OR4K17: variants seen among roughly 807,000 people sequenced by gnomAD.
OR4K17 encodes olfactory receptor family 4 subfamily K member 17, also known as olfactory receptor 4K17.
For synonymous variants in OR4K17, 157 were observed against 132.8 expected (o/e 1.18, Z -1.25); for missense variants, 480 against 366.3 (o/e 1.31, Z -2.53).
At chr14:20,112,940 G>A (rs779438512) in intron 1 of OR4K17, among the ~76,000 whole-genome samples, 2 of 152,088 alleles carry the variant, frequency 1.3e-5, no homozygotes, top group Non-Finnish European at 2.9e-5. Flanking sequence ...AATGCTGTAG[G>A]CATCCAAGTG....
At position 20,117,646 on chromosome 14, in the gene OR4K17, G is replaced by T. The variant is rs199718783; in HGVS notation, c.147G>T (p.Val49=). 54 of 1,613,896 alleles carry T rather than the reference G, an allele frequency of 3.3e-5. No homozygotes were observed. Among genetic ancestry groups the T allele is most frequent in the Non-Finnish European group, 4.6e-5 (54 of 1,179,920 alleles). The change falls in exon 2 of 2, where the codon GTG becomes GTT. Residue 49 remains valine (V), a synonymous_variant. Transcript: ENST00000641386. ...VLGNLLIIVT[V]FNTPNLNTPM... is the part of the protein sequence containing the mutation. ...GTAACCTTCTTATTATAGTCACAGTGTTTAACACCCCTAACCTGAATACTC... is the reference window on the plus strand; with the variant it reads ...GTAACCTTCTTATTATAGTCACAGTTTTTAACACCCCTAACCTGAATACTC...
Position 20,117,915 on chromosome 14 carries a change from A to C in OR4K17, c.416A>C (p.Lys139Thr). 6.2e-7 allele frequency: 1 copy of C among 1,614,070 alleles called. No individual in the cohort carries two copies. The highest frequency in any genetic ancestry group is 1.7e-5 in the Admixed American group (1 of 59,990). ...PLHYMTIMNK[K>T]VCVLLVVTSW... ...CACTACATGACCATCATGAACAAGAAGGTATGTGTTTTGCTTGTAGTGACC... is the reference window on the plus strand; with the variant it reads ...CACTACATGACCATCATGAACAAGACGGTATGTGTTTTGCTTGTAGTGACC... Residue 139 changes from lysine to threonine, a missense_variant, in exon 2 of 2, where the codon AAG (lysine) becomes ACG (threonine). Lys to Thr is a moderately conservative substitution (Grantham distance 78). Coordinates refer to ENST00000641386, the MANE Select transcript of OR4K17 (RefSeq NM_001004715.5).
chr14:20,111,781 A>T (rs1475597436), intron 1 of OR4K17: 1 of 152,070 alleles, frequency 6.6e-6, no homozygotes, highest in Non-Finnish European at 1.5e-5. Context: ...TGTCCTATAC[A>T]CCTGTTAAGA....
At chr14:20,111,893 G>C (rs1877890740) in intron 1 of OR4K17, 1 of 152,004 alleles carries the variant, frequency 6.6e-6, no homozygotes, top group Non-Finnish European at 1.5e-5. Flanking sequence ...CTACTTTTTT[G>C]TGTGTGATTT....
At chr14:20,111,883 C>T (rs1324390501) in intron 1 of OR4K17, 2 of 152,066 alleles carry the variant, frequency 1.3e-5, no homozygotes, top group Admixed American at 1.3e-4. Context: ...TGTGCCTTAG[C>T]TACTTTTTTG....
chr14:20,121,475 C>T lies in OR4K17; in HGVS notation c.*3037C>T, dbSNP rs1203151022. On this transcript the variant is annotated 3_prime_UTR_variant, in exon 2 of 2. Coordinates refer to ENST00000641386, the MANE Select transcript of OR4K17 (RefSeq NM_001004715.5). ...AATATGTAAATTGTGACAGTAAAAACATAAAATGTGTGGGGGAGGTAGAAT... is the reference window on the plus strand; with the variant it reads ...AATATGTAAATTGTGACAGTAAAAATATAAAATGTGTGGGGGAGGTAGAAT... The T allele has an allele frequency of 6.6e-6, 1 of 151,796 alleles. No homozygotes were observed. Among genetic ancestry groups the T allele is most frequent in the Admixed American group, 6.6e-5 (1 of 15,236 alleles). The allele number at this position is 151,796 out of a possible 1,614,324, so 9.4% of individuals were successfully genotyped here. A position where few individuals can be genotyped will look rare whatever the true frequency, so the allele number is the denominator to read the frequency against.
chr14:20,117,378 C>T (rs1309776216), intron 1 of OR4K17, 90 bp from the exon 2 acceptor site: 2 of 1,481,324 alleles, frequency 1.4e-6, no homozygotes, highest in African/African-American at 1.4e-5. Context: ...TTGAAAGATC[C>T]AAAGGAATGC....
chr14:20,121,425 T>G lies in OR4K17; in HGVS notation c.*2987T>G, dbSNP rs1409086773. On this transcript the variant is annotated 3_prime_UTR_variant, in exon 2 of 2. Coordinates refer to ENST00000641386, the MANE Select transcript of OR4K17 (RefSeq NM_001004715.5). ...GAAATAGTTTTTAAAATTCCAGAAA[T>G]TTGTTTAAAAATAAATAACATAAAA... 3 of 152,116 alleles carry G rather than the reference T, an allele frequency of 2.0e-5. No individual in the cohort carries two copies. In the East Asian group the frequency reaches 5.8e-4, roughly 29 times the overall value. 9.4% of individuals were successfully genotyped at this position (152,116 alleles called of 1,614,324 possible). A position where few individuals can be genotyped will look rare whatever the true frequency, so the allele number is the denominator to read the frequency against.
In OR4K17 at chr14:20,120,716, T is replaced by C. The variant is rs1163113183; in HGVS notation, c.*2278T>C. 1 of 152,294 alleles carries C rather than the reference T, an allele frequency of 6.6e-6. No individual in the cohort carries two copies. The highest frequency in any genetic ancestry group is 2.4e-5 in the African/African-American group (1 of 41,456). 9.4% of individuals were successfully genotyped at this position (152,294 alleles called of 1,614,324 possible). ...ACTATCCCAAACCACAGATCTATAG[T>C]ACCTCCATTCATACCTGCGCTTATG... On this transcript the variant is annotated 3_prime_UTR_variant, in exon 2 of 2. Transcript: ENST00000641386.
chr14:20,112,905 A>G (rs1877911493), intron 1 of OR4K17, among the ~76,000 whole-genome samples: 1 of 152,102 alleles, frequency 6.6e-6, no homozygotes, highest in Non-Finnish European at 1.5e-5. Context: ...TAATGATGAA[A>G]AATAATTAAA....
chr14:20,117,789 G>C lies in OR4K17; in HGVS notation c.290G>C (p.Cys97Ser). The C allele has an allele frequency of 6.2e-7, 1 of 1,614,084 alleles. No homozygotes were observed. Among genetic ancestry groups the C allele is most frequent in the Non-Finnish European group, 8.5e-7 (1 of 1,180,004 alleles). Residue 97 changes from cysteine to serine, a missense_variant, in exon 2 of 2, where the codon TGC becomes TCC. By Grantham distance (112) the Cys-to-Ser change is moderately radical (BLOSUM62 -1). Coordinates refer to ENST00000641386, the MANE Select transcript of OR4K17 (RefSeq NM_001004715.5). ...KKQKVISFAG[C>S]FTQIFLLHLL... is the part of the protein sequence containing the mutation. ...CAGAAGGTAATTTCTTTTGCTGGGTGCTTCACTCAGATATTTCTCCTTCAC... is the reference window on the plus strand; with the variant it reads ...CAGAAGGTAATTTCTTTTGCTGGGTCCTTCACTCAGATATTTCTCCTTCAC...
chr14:20,118,215 C>A lies in OR4K17; in HGVS notation c.716C>A (p.Thr239Asn), dbSNP rs1878062488. The A allele has an allele frequency of 1.2e-6, 2 of 1,613,912 alleles. No individual in the cohort carries two copies. Among genetic ancestry groups the A allele is most frequent in the Admixed American group, 3.3e-5 (2 of 60,000 alleles). ...SPTGQSKARS[T>N]LTAHITVVIL... Reference sequence around the variant, plus strand: ...ACTGGGCAATCTAAAGCCCGTTCCACTTTGACTGCTCACATCACAGTGGTG... The same window carrying A: ...ACTGGGCAATCTAAAGCCCGTTCCAATTTGACTGCTCACATCACAGTGGTG... Residue 239 changes from threonine (T) to asparagine (N), a missense_variant, in exon 2 of 2, where the codon ACT becomes AAT. Coordinates refer to ENST00000641386, the MANE Select transcript of OR4K17 (RefSeq NM_001004715.5).
Position 20,117,729 on chromosome 14 carries a change from C to T in OR4K17, c.230C>T (p.Ala77Val), listed in dbSNP as rs752523238. Residue 77 changes from alanine to valine, a missense_variant, in exon 2 of 2, where the codon GCC becomes GTC. Physicochemically the swap from Ala to Val is moderately conservative, Grantham distance 64 (BLOSUM62 0). Coordinates refer to ENST00000641386, the MANE Select transcript of OR4K17 (RefSeq NM_001004715.5). ...SFVDMTLASF[A>V]TPKVILNLLK... ...GTAGATATGACCCTTGCTTCTTTTG[C>T]CACCCCTAAGGTGATTCTGAACTTG... 36 of 1,613,794 alleles carry T rather than the reference C, an allele frequency of 2.2e-5. No individual in the cohort carries two copies. Among genetic ancestry groups the T allele is most frequent in the Non-Finnish European group, 2.9e-5 (34 of 1,179,904 alleles).
chr14:20,121,031 C>T lies in OR4K17; in HGVS notation c.*2593C>T, dbSNP rs977806369. On this transcript the variant is annotated 3_prime_UTR_variant, in exon 2 of 2. Coordinates refer to ENST00000641386, the MANE Select transcript of OR4K17 (RefSeq NM_001004715.5). The stretch of plus-strand genomic sequence containing the variant: ...GCTACACAAACACGACACTGCTGCA[C>T]CTTCACAATAGTCAGAGCAGTTGTG... 1 of 152,250 alleles carries T rather than the reference C, an allele frequency of 6.6e-6. No homozygotes were observed. Among genetic ancestry groups the T allele is most frequent in the Non-Finnish European group, 1.5e-5 (1 of 68,080 alleles). The allele number at this position is 152,250 out of a possible 1,614,324, so 9.4% of individuals were successfully genotyped here.
At position 20,117,723 on chromosome 14, in the gene OR4K17, C is replaced by G. The variant is rs774335231; in HGVS notation, c.224C>G (p.Ser75Cys). ...NLSFVDMTLASFATPKVILNL... is the reference protein window; with the variant it reads ...NLSFVDMTLACFATPKVILNL... ...TCTTTTGTAGATATGACCCTTGCTT[C>G]TTTTGCCACCCCTAAGGTGATTCTG... The change falls in exon 2 of 2, where the codon TCT becomes TGT. Residue 75 changes from serine (S) to cysteine (C), a missense_variant. By Grantham distance (112) the Ser-to-Cys change is moderately radical. Coordinates refer to ENST00000641386, the MANE Select transcript of OR4K17 (RefSeq NM_001004715.5). The G allele has an allele frequency of 1.2e-6, 2 of 1,614,018 alleles. No homozygotes were observed. The highest frequency in any genetic ancestry group is 1.7e-6 in the Non-Finnish European group (2 of 1,179,952).
chr14:20,117,335 T>C lies in OR4K17; in HGVS notation c.-32-133T>C, dbSNP rs1878016552. The C allele has an allele frequency of 6.7e-6, 7 of 1,039,720 alleles. No homozygotes were observed. The South Asian group carries it at 7.9e-5, about 12-fold the overall frequency. The allele number at this position is 1,039,720 out of a possible 1,614,324, so 64.4% of individuals were successfully genotyped here. A position where few individuals can be genotyped will look rare whatever the true frequency, so the allele number is the denominator to read the frequency against. On this transcript the variant is annotated intron_variant, in intron 1 of 1. Coordinates refer to ENST00000641386, the MANE Select transcript of OR4K17 (RefSeq NM_001004715.5). The stretch of plus-strand genomic sequence containing the variant: ...TATACGTCTCCTTTTTCAGACTTAA[T>C]AGATACTGACACTAAATTTCAAGGT...
chr14:20,117,504 A>G lies in OR4K17; in HGVS notation c.5A>G (p.Lys2Arg). The stretch of plus-strand genomic sequence containing the variant: ...GCGAGCTGTAGGATGGAGGCCATGA[A>G]ACTATTAAATCAATCTCAAGTGTCA... M[K>R]LLNQSQVSEF... Residue 2 changes from lysine to arginine, a missense_variant, in exon 2 of 2, where the codon AAA (lysine) becomes AGA (arginine). Lys to Arg is a conservative substitution (Grantham distance 26, BLOSUM62 2). Transcript: ENST00000641386. 1 of 1,613,774 alleles carries G rather than the reference A, an allele frequency of 6.2e-7. No homozygotes were observed. Among genetic ancestry groups the G allele is most frequent in the Non-Finnish European group, 8.5e-7 (1 of 1,179,788 alleles).
At chr14:20,115,757 G>A (rs1877977527) in intron 1 of OR4K17, among the ~76,000 whole-genome samples, 1 of 152,038 alleles carries the variant, frequency 6.6e-6, no homozygotes, top group South Asian at 2.1e-4. Flanking sequence ...GGGAGGACTA[G>A]CATAGTAAAG....
rs1343018681 is a variant in OR4K17 at position 20,118,105 on chromosome 14, C to T, written c.606C>T (p.Asn202=). 50 of 1,613,796 alleles carry T rather than the reference C, an allele frequency of 3.1e-5. No homozygotes were observed. Among genetic ancestry groups the T allele is most frequent in the Non-Finnish European group, 4.0e-5 (47 of 1,179,864 alleles). ...TTGTACAGGTAGTCATTGTTGCCAA[C>T]AGTGGCATAATCTCCCTGAGCTGTT... ...IYFVQVVIVA[N]SGIISLSCFI... is the part of the protein sequence containing the mutation. Residue 202 remains asparagine (N), a synonymous_variant, in exon 2 of 2, where the codon AAC becomes AAT. Coordinates refer to ENST00000641386, the MANE Select transcript of OR4K17 (RefSeq NM_001004715.5).
Sources: gnomAD v4.1 joint callset for allele counts (sites outside exome capture counted in the v4.1 genomes callset) on GRCh38, gnomAD v4.1.1 for gene constraint, MANE v1.5 for transcripts, NCBI Gene and HGNC (gene_info 2026-07-23, HGNC 2026-07-21) for gene names.